PIEZO2: variants seen among roughly 807,000 people sequenced by gnomAD.
PIEZO2 encodes piezo-type mechanosensitive ion channel component 2.
A neutral mutation model predicts 337.3 loss-of-function variants in PIEZO2; 172 were observed. That is an observed-to-expected ratio of 0.51 (90% CI 0.45 to 0.58). PIEZO2 has a LOEUF of 0.58. Among genes scored for constraint, PIEZO2 ranks in the 20% least tolerant of loss-of-function variants. PIEZO2 has a pLI of 0.00. For missense variants in PIEZO2, 3,028 were observed against 3,391.3 expected, an observed-to-expected ratio of 0.89 and a Z score of 2.66; for synonymous variants, 1,251 against 1,228.5, an observed-to-expected ratio of 1.02 and a Z score of -0.38.
intron 4 of PIEZO2, among the ~76,000 whole-genome samples, chr18:10,904,568 G>A (rs964855996): frequency 1.3e-5 from 2 of 152,220 alleles, no homozygotes; most frequent in Non-Finnish European, 2.9e-5. Context: ...CTGGAAGTAG[G>A]CAGAGGTGGC....
At position 10,969,768 on chromosome 18, in the gene PIEZO2, C is replaced by A. The variant is rs1475113000; in HGVS notation, c.286+9767G>T. On this transcript the variant is annotated intron_variant, in intron 3 of 55. Transcript: ENST00000674853. The surrounding 1 kb of genome is among the most constrained non-coding windows in gnomAD (Gnocchi z 4.5). ...AGGAGTGAGGGGACAGAGCTCCTGG[C>A]CAAGAGAGGGCATGGGTGCACTTAG... Among the ~76,000 whole-genome samples the A allele has an allele frequency of 6.6e-6, 1 of 151,876 alleles. No individual in the cohort carries two copies. Among genetic ancestry groups the A allele is most frequent in the Non-Finnish European group, 1.5e-5 (1 of 67,994 alleles).
At chr18:10,779,205 T>C (rs1487252162) in intron 18 of PIEZO2, among the ~76,000 whole-genome samples, 2 of 152,334 alleles carry the variant, frequency 1.3e-5, no homozygotes, top group Admixed American at 6.5e-5. Context: ...TCTTAGGGTT[T>C]GTAATTTGGT....
chr18:11,053,834 G>A (rs1341790485), intron 2 of PIEZO2, among the ~76,000 whole-genome samples: 1 of 151,884 alleles, frequency 6.6e-6, no homozygotes, highest in East Asian at 1.9e-4. Context: ...TGGACAACGT[G>A]GTAAAACCCC....
At chr18:11,006,333 T>C (rs1247421384) in intron 2 of PIEZO2, among the ~76,000 whole-genome samples, 1 of 152,196 alleles carries the variant, frequency 6.6e-6, no homozygotes, top group East Asian at 1.9e-4. Context: ...ATACAATAAA[T>C]ATTGATTGAA....
chr18:10,812,337 G>A (rs371349250), intron 7 of PIEZO2, among the ~76,000 whole-genome samples: 2 of 152,180 alleles, frequency 1.3e-5, no homozygotes, highest in East Asian at 1.9e-4. Context: ...GAGTACACAC[G>A]GACACTAAGA....
chr18:10,776,630 A>T (rs898026718), intron 18 of PIEZO2, among the ~76,000 whole-genome samples: 1 of 152,216 alleles, frequency 6.6e-6, no homozygotes, highest in African/African-American at 2.4e-5. Context: ...CAATGGTCTC[A>T]GGGTTCTGTT....
Position 10,730,972 on chromosome 18 carries a change from C to G in PIEZO2, c.5029+435G>C, listed in dbSNP as rs532322341. Among the ~76,000 whole-genome samples, 476 of 152,184 alleles carry G rather than the reference C, an allele frequency of 3.1e-3. 3 individuals carry two copies. The highest frequency in any genetic ancestry group is 0.011 in the African/African-American group (454 of 41,562). Reference sequence around the variant, plus strand: ...CGATCTCCTGACCTCGTGATCCACTCGCCTTGGCCTCCCAAAGTGCTAGGA... The same window carrying G: ...CGATCTCCTGACCTCGTGATCCACTGGCCTTGGCCTCCCAAAGTGCTAGGA... On this transcript the variant is annotated intron_variant, in intron 36 of 55. Transcript: ENST00000674853.
chr18:11,082,581 T>C (rs2038786492), intron 1 of PIEZO2, among the ~76,000 whole-genome samples: 1 of 152,210 alleles, frequency 6.6e-6, no homozygotes, highest in South Asian at 2.1e-4. Context: ...CCTCCCAGAG[T>C]GCTGGGATTA....
chr18:11,066,669 G>A (rs1156268077), intron 1 of PIEZO2, among the ~76,000 whole-genome samples: 1 of 152,076 alleles, frequency 6.6e-6, no homozygotes, highest in Non-Finnish European at 1.5e-5. Context: ...GCATGATCTC[G>A]GCTCACTGCA....
chr18:10,729,742 C>A (rs1183271061), intron 36 of PIEZO2, among the ~76,000 whole-genome samples: 1 of 152,124 alleles, frequency 6.6e-6, no homozygotes, highest in Non-Finnish European at 1.5e-5. Flanking sequence ...GAATATTCCT[C>A]CTGATCTTTC....
chr18:11,006,481 A>G (rs144084788), intron 2 of PIEZO2, among the ~76,000 whole-genome samples: 224 of 152,330 alleles, frequency 1.5e-3, no homozygotes, highest in African/African-American at 5.2e-3. Flanking sequence ...TGAAGGAAGC[A>G]GAACATTAGT....
chr18:10,703,102 C>T (rs893580358), intron 42 of PIEZO2, among the ~76,000 whole-genome samples: 2 of 152,158 alleles, frequency 1.3e-5, no homozygotes, highest in African/African-American at 4.8e-5. Flanking sequence ...GATCCTCCTG[C>T]CTTGGCCTCT....
intron 4 of PIEZO2, among the ~76,000 whole-genome samples, chr18:10,909,143 G>A (rs1172507190): frequency 6.6e-6 from 1 of 152,222 alleles, no homozygotes; most frequent in Non-Finnish European, 1.5e-5. Flanking sequence ...ATGGGTTTGT[G>A]TCAAAAGGAC....
intron 3 of PIEZO2, among the ~76,000 whole-genome samples, chr18:10,928,679 C>A (rs1180603280): frequency 6.6e-6 from 1 of 152,240 alleles, no homozygotes; most frequent in Non-Finnish European, 1.5e-5. Context: ...GCATTAAATT[C>A]AGATTTTTCT....
In PIEZO2 at chr18:11,127,900, A is replaced by G. The variant is rs1198261686; in HGVS notation, c.64+20625T>C. Among the ~76,000 whole-genome samples the G allele has an allele frequency of 6.6e-6, 1 of 151,544 alleles. No homozygotes were observed. Among genetic ancestry groups the G allele is most frequent in the African/African-American group, 2.4e-5 (1 of 41,192 alleles). ...ATCAGGAGTGGTTCTAGAGGAACAG[A>G]ATATTAAGGATGGAGTTCTTTCGTT... is the stretch of plus-strand genomic sequence containing the variant. On this transcript the variant is annotated intron_variant, in intron 1 of 55. Coordinates refer to ENST00000674853, the MANE Select transcript of PIEZO2 (RefSeq NM_001378183.1). The surrounding 1 kb of genome is among the most constrained non-coding windows in gnomAD (Gnocchi z 4.5).
At chr18:10,858,345 A>C (rs2041782304) in intron 5 of PIEZO2, among the ~76,000 whole-genome samples, 1 of 149,594 alleles carries the variant, frequency 6.7e-6, no homozygotes, top group Non-Finnish European at 1.5e-5. Flanking sequence ...AAAAAAAAAA[A>C]AAGAAAAGAA....
chr18:10,711,246 T>C lies in PIEZO2; in HGVS notation c.5424-2807A>G, dbSNP rs570631976. On this transcript the variant is annotated intron_variant, in intron 39 of 55. Coordinates refer to ENST00000674853, the MANE Select transcript of PIEZO2 (RefSeq NM_001378183.1). ...TATTTAATTTCTTCATGGGGCATAC[T>C]GTTCATTGTTATGTAGTTAAAAGTC... is the stretch of plus-strand genomic sequence containing the variant. Among the ~76,000 whole-genome samples the C allele has an allele frequency of 1.9e-3, 294 of 152,346 alleles. 1 individual carries two copies. The highest frequency in any genetic ancestry group is 6.7e-3 in the African/African-American group (278 of 41,570).
At chr18:11,086,697 G>T (rs2038926916) in intron 1 of PIEZO2, among the ~76,000 whole-genome samples, 1 of 151,758 alleles carries the variant, frequency 6.6e-6, no homozygotes, top group Non-Finnish European at 1.5e-5. Context: ...TGTGATAATG[G>T]ATCCCTGCTG....
intron 3 of PIEZO2, among the ~76,000 whole-genome samples, chr18:10,916,122 G>T (rs1047267415): frequency 6.6e-6 from 1 of 152,134 alleles, no homozygotes. Context: ...TGATTGGTGC[G>T]TTTACAAACC....
Sources: allele counts gnomAD v4.1 joint callset (sites outside exome capture counted in the v4.1 genomes callset), GRCh38; gene constraint gnomAD v4.1.1; non-coding constraint Gnocchi (gnomAD v3.1); transcripts MANE v1.5; gene names NCBI Gene and HGNC (gene_info 2026-07-23, HGNC 2026-07-21).